CHMP6: variants seen among roughly 807,000 people sequenced by gnomAD.
The protein encoded by CHMP6 is charged multivesicular body protein 6.
Under a neutral mutation model 32.8 loss-of-function variants are expected in CHMP6, and 10 were observed. The ratio of observed to expected loss-of-function variants is 0.30; its 90% CI spans 0.19 to 0.52. The LOEUF (loss-of-function observed/expected upper bound fraction) is 0.52, where lower values mean the gene tolerates loss of function less well. Among genes scored for constraint, CHMP6 ranks in the 20% least tolerant of loss-of-function variants. The probability of loss-of-function intolerance (pLI) is 0.97; values close to 1 mark genes in which losing one functional copy is unlikely to be tolerated. For missense variants in CHMP6, 269 were observed against 263.8 expected (o/e 1.02, Z -0.14); for synonymous variants, 123 against 105.8 (o/e 1.16, Z -1.00).
intron 4 of CHMP6, 52 bp from the exon 5 acceptor site, chr17:80,996,955 G>A (rs577285126): frequency 7.7e-6 from 12 of 1,564,886 alleles, no homozygotes; most frequent in African/African-American, 6.8e-5. Context: ...TCTGTCGGGG[G>A]TCTACCATTG....
At chr17:80,996,936 C>T (rs1161459734) in intron 4 of CHMP6, 71 bp from the exon 5 acceptor site, 1 of 1,468,786 alleles carries the variant, frequency 6.8e-7, no homozygotes, top group African/African-American at 1.4e-5. Context: ...CCTGAGAGCC[C>T]AGGAGGCCTC....
rs1029689738 is a variant in CHMP6 at position 81,000,077 on chromosome 17, C to G, written c.*924C>G. On this transcript the variant is annotated 3_prime_UTR_variant, in exon 8 of 8. Transcript: ENST00000325167. Reference sequence around the variant, plus strand: ...TGGAAAGCCACAAGGACAAAGGGAGCGGCCACCTCGACCCCCAGACAGGCC... The same window carrying G: ...TGGAAAGCCACAAGGACAAAGGGAGGGGCCACCTCGACCCCCAGACAGGCC... 1 of 152,246 alleles carries G rather than the reference C, an allele frequency of 6.6e-6. No homozygotes were observed. The highest frequency in any genetic ancestry group is 1.5e-5 in the Non-Finnish European group (1 of 68,058). The allele number at this position is 152,246 out of a possible 1,614,324, so 9.4% of individuals were successfully genotyped here.
chr17:80,997,640 C>T (rs774254474), intron 6 of CHMP6, among the ~76,000 whole-genome samples: 1 of 152,050 alleles, frequency 6.6e-6, no homozygotes. Flanking sequence ...TTTCCCCAGC[C>T]GTGGCTGCTG....
chr17:80,992,259 G>T (rs1315710754), intron 1 of CHMP6, among the ~76,000 whole-genome samples: 1 of 151,864 alleles, frequency 6.6e-6, no homozygotes, highest in Non-Finnish European at 1.5e-5. Flanking sequence ...CGCGGCTGGT[G>T]ACTGCGGGAT....
At chr17:80,998,014 C>T (rs780485247) in intron 6 of CHMP6, among the ~76,000 whole-genome samples, 16 of 152,240 alleles carry the variant, frequency 1.1e-4, no homozygotes, top group Non-Finnish European at 1.5e-4. Flanking sequence ...CAGCCCACCC[C>T]GCAGTGGTGG....
Position 80,999,168 on chromosome 17 carries a change from G to A in CHMP6, c.*15G>A, listed in dbSNP as rs750550425. On this transcript the variant is annotated 3_prime_UTR_variant, in exon 8 of 8. Transcript: ENST00000325167. Reference sequence around the variant, plus strand: ...CAGCTTCGTAACGTGGCCTCGTCTTGTGGGACTCACGGGGATGCCCCAGGG... The same window carrying A: ...CAGCTTCGTAACGTGGCCTCGTCTTATGGGACTCACGGGGATGCCCCAGGG... 1.2e-6 allele frequency: 2 copies of A among 1,613,872 alleles called. No individual in the cohort carries two copies. The highest frequency in any genetic ancestry group is 3.3e-5 in the Admixed American group (2 of 60,016).
At chr17:80,995,252 T>A in intron 3 of CHMP6, 146 bp downstream of exon 3, 1 of 767,614 alleles carries the variant, frequency 1.3e-6, no homozygotes, top group Non-Finnish European at 2.1e-6. Flanking sequence ...GGGGCGGGCC[T>A]GGAATCCCGG....
chr17:80,995,845 T>C, intron 4 of CHMP6, 87 bp downstream of exon 4: 1 of 1,232,180 alleles, frequency 8.1e-7, no homozygotes, highest in East Asian at 2.4e-5. Context: ...TGTCCCACGG[T>C]GTTCGTGTCA....
In CHMP6 at chr17:80,996,992, C is replaced by A. The variant is rs201250806; in HGVS notation, c.349-15C>A. ...CCTCGCGACAGGGGTCAACACCCAT[C>A]ACCCTCGTCCACAGGTGATGTCCAT... On this transcript the variant is annotated splice_polypyrimidine_tract_variant and intron_variant, in intron 4 of 7. Coordinates refer to ENST00000325167, the MANE Select transcript of CHMP6 (RefSeq NM_024591.5). 2,262 of 1,610,586 alleles carry A rather than the reference C, an allele frequency of 1.4e-3. 28 individuals are homozygous for A. In the South Asian group the frequency reaches 0.015, roughly 10 times the overall value.
intron 1 of CHMP6, among the ~76,000 whole-genome samples, chr17:80,992,978 G>A (rs1381706260): frequency 6.6e-6 from 1 of 152,238 alleles, no homozygotes; most frequent in East Asian, 1.9e-4. Context: ...GGGCACATTT[G>A]TCCCTAGAGA....
At position 80,997,220 on chromosome 17, in the gene CHMP6, C is replaced by G. The variant is rs1202876245; in HGVS notation, c.415-41C>G. 5.0e-6 allele frequency: 8 copies of G among 1,610,560 alleles called. No individual in the cohort carries two copies. In the South Asian group the frequency reaches 8.8e-5, roughly 18 times the overall value. On this transcript the variant is annotated intron_variant, in intron 5 of 7. Transcript: ENST00000325167. ...GGCCATCTCCTTCCTCCCTGAGGGGCCACCTCCTCGCTGCTCTCACCACCG... is the reference window on the plus strand; with the variant it reads ...GGCCATCTCCTTCCTCCCTGAGGGGGCACCTCCTCGCTGCTCTCACCACCG...
rs551094611 is a variant in CHMP6, at chr17:80,991,892, G to A, written c.-27G>A. On this transcript the variant is annotated 5_prime_UTR_variant, in exon 1 of 8. Coordinates refer to ENST00000325167, the MANE Select transcript of CHMP6 (RefSeq NM_024591.5). ...GCGGCGGTGGCGATTGGACTTGGTG[G>A]GTCCCGGGCCAGGGGCGGGCGCCGC... is the stretch of plus-strand genomic sequence containing the variant. 53 of 1,411,144 alleles carry A rather than the reference G, an allele frequency of 3.8e-5. 1 individual carries two copies. In the South Asian group the frequency reaches 7.1e-4, roughly 19 times the overall value. 87.4% of individuals were successfully genotyped at this position (1,411,144 alleles called of 1,614,324 possible).
chr17:80,993,591 C>T (rs1946576672), intron 1 of CHMP6, among the ~76,000 whole-genome samples: 1 of 152,240 alleles, frequency 6.6e-6, no homozygotes, highest in Non-Finnish European at 1.5e-5. Flanking sequence ...CAGCCTCCTG[C>T]CTTAAGGCCA....
intron 1 of CHMP6, 84 bp from the exon 2 acceptor site, chr17:80,994,497 C>T: frequency 7.8e-7 from 1 of 1,276,032 alleles, no homozygotes; most frequent in Non-Finnish European, 1.1e-6. Flanking sequence ...GGAGGGCCGC[C>T]CGGCCTCCAT....
intron 1 of CHMP6, among the ~76,000 whole-genome samples, chr17:80,993,796 A>C (rs2069613725): frequency 6.6e-6 from 1 of 152,180 alleles, no homozygotes; most frequent in African/African-American, 2.4e-5. Flanking sequence ...GGGGCAGGGA[A>C]GCCACAGGCA....
At chr17:80,993,395 G>A (rs1192380457) in intron 1 of CHMP6, among the ~76,000 whole-genome samples, 2 of 152,194 alleles carry the variant, frequency 1.3e-5, no homozygotes, top group Non-Finnish European at 2.9e-5. Context: ...GGTCTCCCCA[G>A]CAGTGGGGCT....
rs747027667 is a variant in CHMP6, at chr17:80,996,988, C to T, written c.349-19C>T. 15 of 1,609,750 alleles carry T rather than the reference C, an allele frequency of 9.3e-6. No homozygotes were observed. Among genetic ancestry groups the T allele is most frequent in the East Asian group, 2.2e-5 (1 of 44,850 alleles). On this transcript the variant is annotated intron_variant, in intron 4 of 7. Transcript: ENST00000325167. The stretch of plus-strand genomic sequence containing the variant: ...TTGGCCTCGCGACAGGGGTCAACAC[C>T]CATCACCCTCGTCCACAGGTGATGT...
intron 6 of CHMP6, among the ~76,000 whole-genome samples, chr17:80,997,585 C>T (rs988628694): frequency 2.6e-5 from 4 of 152,136 alleles, no homozygotes; most frequent in Non-Finnish European, 5.9e-5. Flanking sequence ...CTTCCTGGCG[C>T]CTCGGCCCCT....
Position 80,997,081 on chromosome 17 carries a change from C to T in CHMP6, c.414+9C>T, listed in dbSNP as rs376878102. 3 of 1,612,794 alleles carry T rather than the reference C, an allele frequency of 1.9e-6. No individual in the cohort carries two copies. Among genetic ancestry groups the T allele is most frequent in the Non-Finnish European group, 2.5e-6 (3 of 1,179,556 alleles). On this transcript the variant is annotated intron_variant, in intron 5 of 7. Transcript: ENST00000325167. Reference sequence around the variant, plus strand: ...CCGTGGAGTACCAGCGGGTAGGTGGCACCCTGACCGGCCTGCCCCCAACTG... The same window carrying T: ...CCGTGGAGTACCAGCGGGTAGGTGGTACCCTGACCGGCCTGCCCCCAACTG...
Sources: gnomAD v4.1 joint callset for allele counts (sites outside exome capture counted in the v4.1 genomes callset) on GRCh38, gnomAD v4.1.1 for gene constraint, MANE v1.5 for transcripts, NCBI Gene and HGNC (gene_info 2026-07-23, HGNC 2026-07-21) for gene names.